OR4P4: variants seen among roughly 807,000 people sequenced by gnomAD.
OR4P4 encodes the protein olfactory receptor family 4 subfamily P member 4.
In OR4P4, 1 loss-of-function variant was observed where a neutral mutation model predicts 2.1. The ratio of observed to expected loss-of-function variants is 0.47; its 90% confidence interval spans 0.17 to 2.21. The LOEUF is 2.21. Ranked by LOEUF, OR4P4 falls within the 30% of genes most tolerant of loss-of-function variation. OR4P4 has a pLI of 0.27. For missense variants in OR4P4, 375 were observed against 376.5 expected, an observed-to-expected ratio of 1.00 and a Z score of 0.03; for synonymous variants, 129 against 133.2, an observed-to-expected ratio of 0.97 and a Z score of 0.22.
chr11:55,635,167 G>A (rs1858374061), exon 1 of OR4P4: 3 of 137,844 alleles, frequency 2.2e-5, no homozygotes, highest in East Asian at 4.7e-4. Context: ...GTATTAAATA[G>A]GATTCAAGTT....
intron 1 of OR4P4, among the ~76,000 whole-genome samples, chr11:55,636,155 C>T (rs1858386035): frequency 7.3e-6 from 1 of 137,862 alleles, no homozygotes. Context: ...GGTCATAAAT[C>T]TAAGTGGCAG....
At chr11:55,635,431 C>CT (rs1209867135) in intron 1 of OR4P4, among the ~76,000 whole-genome samples, 2 of 136,928 alleles carry the variant, frequency 1.5e-5, no homozygotes, top group Non-Finnish European at 3.3e-5. Context: ...TGCCTTCAAA[C>CT]TTTTTTTTAT....
exon 2 of OR4P4, chr11:55,639,620 A>T (rs768662584): frequency 9.4e-6 from 2 of 212,000 alleles, no homozygotes; most frequent in Non-Finnish European, 1.8e-5. Flanking sequence ...TTCTGAGAAG[A>T]TCAATGAAAT....
rs749704477 is a variant in OR4P4, at chr11:55,638,621, G to A, written c.264G>A (p.Lys88=). The change falls in exon 2 of 2, where the codon AAG becomes AAA. Residue 88 remains lysine, a synonymous_variant. Transcript: ENST00000641760. Reference sequence around the variant, plus strand: ...TGGTTGACTTACTGGCAGAAAGAAAGACCATTTCCTATAATAACTGTATGA... The same window carrying A: ...TGGTTGACTTACTGGCAGAAAGAAAAACCATTTCCTATAATAACTGTATGA... The A allele has an allele frequency of 6.7e-6, 10 of 1,489,692 alleles. 1 individual carries two copies. In the South Asian group the frequency reaches 1.2e-4, roughly 18 times the overall value. The allele number at this position is 1,489,692 out of a possible 1,614,324, so 92.3% of individuals were successfully genotyped here. A position where few individuals can be genotyped will look rare whatever the true frequency, so the allele number is the denominator to read the frequency against.
intron 1 of OR4P4, among the ~76,000 whole-genome samples, chr11:55,636,738 C>A (rs17146846): frequency 2.2e-5 from 3 of 137,636 alleles, no homozygotes; most frequent in Admixed American, 1.6e-4. Context: ...ATTAGCACAA[C>A]GATATCATCC....
exon 2 of OR4P4, chr11:55,639,026 C>T (rs555800071): frequency 1.3e-6 from 2 of 1,492,222 alleles, no homozygotes; most frequent in African/African-American, 2.7e-5. Context: ...TGTATACCAT[C>T]AGAGCATACT....
Position 55,639,263 on chromosome 11 carries a change from T to C in OR4P4, c.906T>C (p.Cys302=), listed in dbSNP as rs777272651. ...ACGCCATGAGGAAAGTGTGGTGTTG[T>C]CAAATACTCCTGAAAAGAAATCAAC... Residue 302 remains cysteine, a synonymous_variant, in exon 2 of 2, where the codon TGT becomes TGC. Transcript: ENST00000641760. 5 of 1,467,034 alleles carry C rather than the reference T, an allele frequency of 3.4e-6. 1 individual carries two copies. The highest frequency in any genetic ancestry group is 4.6e-6 in the Non-Finnish European group (5 of 1,082,718). The allele number at this position is 1,467,034 out of a possible 1,614,324, so 90.9% of individuals were successfully genotyped here.
At chr11:55,635,810 C>A (rs1858382326) in intron 1 of OR4P4, among the ~76,000 whole-genome samples, 1 of 137,336 alleles carries the variant, frequency 7.3e-6, no homozygotes, top group African/African-American at 2.5e-5. Flanking sequence ...TAAGCAGTTG[C>A]TAATTTTTAA....
chr11:55,639,457 C>T (rs1209122962), exon 2 of OR4P4: 6 of 502,376 alleles, frequency 1.2e-5, no homozygotes, highest in African/African-American at 1.9e-5. Flanking sequence ...ACAAATTGAA[C>T]ATTATTCTTA....
At position 55,638,879 on chromosome 11, in the gene OR4P4, CT is replaced by C; in HGVS notation, c.523del (p.Tyr175ThrfsTer9). On this transcript the variant is annotated frameshift_variant, in exon 2 of 2. Coordinates refer to ENST00000641760, the Ensembl canonical transcript of OR4P4. LOFTEE classifies it low-confidence loss of function (END_TRUNC). Reference sequence around the variant, plus strand: ...TTTGTGGCCCAAATGAGATAGATCACTACTTCTGTGATGTGTATCCTTTGCT... The same window carrying C: ...TTTGTGGCCCAAATGAGATAGATCACACTTCTGTGATGTGTATCCTTTGCT... 1 of 1,493,994 alleles carries C rather than the reference CT, an allele frequency of 6.7e-7. No homozygotes were observed. The highest frequency in any genetic ancestry group is 9.1e-7 in the Non-Finnish European group (1 of 1,098,532). 92.5% of individuals were successfully genotyped at this position (1,493,994 alleles called of 1,614,324 possible).
intron 1 of OR4P4, among the ~76,000 whole-genome samples, chr11:55,637,766 T>C (rs1351970083): frequency 7.2e-6 from 1 of 138,462 alleles, no homozygotes; most frequent in African/African-American, 2.5e-5. Flanking sequence ...TAATTCAGTG[T>C]CATCTTTGCA....
exon 2 of OR4P4, chr11:55,638,394 T>C (rs1183191199): frequency 1.4e-6 from 2 of 1,443,800 alleles, no homozygotes; most frequent in Admixed American, 2.2e-5. Flanking sequence ...GTTTATTCTC[T>C]TGGGGTTTTC....
chr11:55,639,594 T>C (rs1277116673), exon 2 of OR4P4: 7 of 257,752 alleles, frequency 2.7e-5, no homozygotes, highest in African/African-American at 6.7e-5. Flanking sequence ...GATTATGTGT[T>C]TTTTGTGCCT....
At chr11:55,638,389 T>C (rs1402496226) in exon 2 of OR4P4, 1 of 1,427,824 alleles carries the variant, frequency 7.0e-7, no homozygotes, top group Non-Finnish European at 9.5e-7. Flanking sequence ...ACTTTGTTTA[T>C]TCTCTTGGGG....
At chr11:55,640,210 A>G (rs1000650549) in exon 2 of OR4P4, 1 of 136,328 alleles carries the variant, frequency 7.3e-6, no homozygotes, top group Non-Finnish European at 1.6e-5. Context: ...GAAGAGTAAG[A>G]GTGATTTACA....
rs1400636212 is a variant in OR4P4, at chr11:55,636,669, T to A, written c.-31+1453T>A. ...TACCATTTGTGTTACTATGTACAAT[T>A]TCCTAAAGCTCTAGAATCCTAATGT... On this transcript the variant is annotated intron_variant, in intron 1 of 1. Coordinates refer to ENST00000641760, the Ensembl canonical transcript of OR4P4. Among the ~76,000 whole-genome samples, 2 of 137,736 alleles carry A rather than the reference T, an allele frequency of 1.5e-5. 1 individual carries two copies. The highest frequency in any genetic ancestry group is 5.0e-5 in the African/African-American group (2 of 39,858). 90.4% of individuals were successfully genotyped at this position (137,736 alleles called of 152,430 possible).
Position 55,636,939 on chromosome 11 carries a change from C to T in OR4P4, c.-30-1389C>T, listed in dbSNP as rs747735653. On this transcript the variant is annotated intron_variant, in intron 1 of 1. Coordinates refer to ENST00000641760, the Ensembl canonical transcript of OR4P4. ...TTAGTGGCTGAATTAAGACAAGTAA[C>T]GGGGATTGCCTCCAAATTATAAAGC... is the stretch of plus-strand genomic sequence containing the variant. Among the ~76,000 whole-genome samples the T allele has an allele frequency of 7.3e-5, 10 of 137,120 alleles. 1 individual carries two copies. Among genetic ancestry groups the T allele is most frequent in the South Asian group, 2.4e-4 (1 of 4,170 alleles). The allele number at this position is 137,120 out of a possible 152,430, so 90.0% of individuals were successfully genotyped here. A position where few individuals can be genotyped will look rare whatever the true frequency, so the allele number is the denominator to read the frequency against.
Position 55,638,243 on chromosome 11 carries a change from T to C in OR4P4, c.-30-85T>C, listed in dbSNP as rs1858410925. 6 of 581,486 alleles carry C rather than the reference T, an allele frequency of 1.0e-5. 1 individual carries two copies. Among genetic ancestry groups the C allele is most frequent in the African/African-American group, 3.7e-5 (2 of 53,684 alleles). The allele number at this position is 581,486 out of a possible 1,614,324, so 36.0% of individuals were successfully genotyped here. A position where few individuals can be genotyped will look rare whatever the true frequency, so the allele number is the denominator to read the frequency against. On this transcript the variant is annotated intron_variant, in intron 1 of 1. Coordinates refer to ENST00000641760, the Ensembl canonical transcript of OR4P4. ...CTCTGAACCACTTGAATGAGGTAAATTAAATCTAGCTAGTTCCTCAAATAA... is the reference window on the plus strand; with the variant it reads ...CTCTGAACCACTTGAATGAGGTAAACTAAATCTAGCTAGTTCCTCAAATAA...
At chr11:55,639,223 A>T (rs1400530670) in exon 2 of OR4P4, 1 of 1,489,296 alleles carries the variant, frequency 6.7e-7, no homozygotes, top group Non-Finnish European at 9.1e-7. Flanking sequence ...ACGCTGAGAA[A>T]CACAGAGATG....
Sources: allele counts gnomAD v4.1 joint callset (sites outside exome capture counted in the v4.1 genomes callset), GRCh38; gene constraint gnomAD v4.1.1; transcripts MANE v1.5; gene names NCBI Gene and HGNC (gene_info 2026-07-23, HGNC 2026-07-21).